The following ZNF362 variants were observed in gnomAD, a reference collection of about 807,000 sequenced individuals.
ZNF362 encodes the protein zinc finger protein 362.
ZNF362 carries 11 observed loss-of-function variants against 42.9 expected under a neutral mutation model. That is an observed-to-expected ratio of 0.26 (90% confidence interval 0.16 to 0.42). The LOEUF (loss-of-function observed/expected upper bound fraction) is 0.42, where lower values mean the gene tolerates loss of function less well. ZNF362 is among the 20% of genes least tolerant of loss of function. The pLI, the probability that ZNF362 is intolerant of heterozygous loss-of-function variation, is 1.00. For missense variants in ZNF362, 362 were observed against 576.2 expected (o/e 0.63, Z 3.81); for synonymous variants, 255 against 257.3 (o/e 0.99, Z 0.09).
upstream of ZNF362, among the ~76,000 whole-genome samples, chr1:33,255,521 G>A (rs892056644): frequency 9.2e-5 from 14 of 151,932 alleles, no homozygotes; most frequent in Non-Finnish European, 1.8e-4. Context: ...TTTGGAAGCT[G>A]ACACAGCTCG....
At chr1:33,237,746 C>G in the ZNF362 span, among the ~76,000 whole-genome samples, 1 of 152,138 alleles carries the variant, frequency 6.6e-6, no homozygotes, top group African/African-American at 2.4e-5. Context: ...CCTCTTGTAG[C>G]CAGGTGGAGC....
intron 1 of ZNF362, among the ~76,000 whole-genome samples, chr1:33,263,804 G>GA (rs1244332038): frequency 2.6e-5 from 4 of 152,222 alleles, no homozygotes; most frequent in Admixed American, 2.6e-4. Context: ...CCGGAGGTGA[G>GA]AAATTCAGGG....
At chr1:33,221,154 C>T in the ZNF362 span, among the ~76,000 whole-genome samples, 2 of 152,196 alleles carry the variant, frequency 1.3e-5, no homozygotes. Context: ...CTCTCCTAAC[C>T]CTGGGATTGG....
chr1:33,144,633 A>G, the ZNF362 span, among the ~76,000 whole-genome samples: 2 of 152,204 alleles, frequency 1.3e-5, no homozygotes, highest in Non-Finnish European at 2.9e-5. Context: ...AATTCTTTAA[A>G]AGCTTGATAT....
chr1:33,130,159 G>A, the ZNF362 span, among the ~76,000 whole-genome samples: 32 of 152,270 alleles, frequency 2.1e-4, no homozygotes, highest in African/African-American at 7.2e-4. Flanking sequence ...GCACCTGGCC[G>A]TAGCTTTGCA....
chr1:33,248,922 A>C, the ZNF362 span, among the ~76,000 whole-genome samples: 2 of 152,212 alleles, frequency 1.3e-5, no homozygotes, highest in Non-Finnish European at 2.9e-5. Context: ...TAATGCTCAA[A>C]TATTTCAACC....
At chr1:33,253,037 T>C (rs912758347), upstream of ZNF362, among the ~76,000 whole-genome samples, 8 of 151,696 alleles carry the variant, frequency 5.3e-5, no homozygotes, top group African/African-American at 1.9e-4. Flanking sequence ...AAGTGCCCTT[T>C]CTATGTGAAG....
the ZNF362 span, among the ~76,000 whole-genome samples, chr1:33,130,152 C>G: frequency 6.6e-6 from 1 of 152,188 alleles, no homozygotes; most frequent in Non-Finnish European, 1.5e-5. Context: ...AACCACTGCA[C>G]CTGGCCGTAG....
chr1:33,196,817 A>C, the ZNF362 span, among the ~76,000 whole-genome samples: 1 of 152,204 alleles, frequency 6.6e-6, no homozygotes, highest in African/African-American at 2.4e-5. Context: ...TGTGAGTAAT[A>C]TATTGCACTA....
the ZNF362 span, among the ~76,000 whole-genome samples, chr1:33,221,622 C>T: frequency 1.3e-5 from 2 of 152,174 alleles, no homozygotes; most frequent in African/African-American, 4.8e-5. Flanking sequence ...GAAAATAAGT[C>T]TCAGAGAGGT....
the ZNF362 span, among the ~76,000 whole-genome samples, chr1:33,168,926 C>T: frequency 6.6e-6 from 1 of 152,234 alleles, no homozygotes; most frequent in Non-Finnish European, 1.5e-5. Flanking sequence ...GCCTTCCTCA[C>T]ATTGCTCAGG....
Position 33,281,643 on chromosome 1 carries a change from A to G in ZNF362, c.740A>G (p.Lys247Arg). Residue 247 changes from lysine to arginine, a missense_variant, in exon 6 of 9, where the codon AAG becomes AGG. Around this residue, in one of 3 missense-constraint regions of ZNF362, gnomAD observed 266 missense variants for 365.4 expected, o/e 0.73. Coordinates refer to ENST00000539719, the MANE Select transcript of ZNF362 (RefSeq NM_152493.3). The surrounding 1 kb of genome is among the most constrained non-coding windows in gnomAD (Gnocchi z 4.8). ...AAGTCAGAGATGCAGATCCACTCCA[A>G]GTCGCACACAGAGGCCAAGCCCCAC... The part of the protein sequence containing the change: ...FTKSEMQIHS[K>R]SHTEAKPHKC... The G allele has an allele frequency of 6.2e-7, 1 of 1,614,212 alleles. No individual in the cohort carries two copies. Among genetic ancestry groups the G allele is most frequent in the Non-Finnish European group, 8.5e-7 (1 of 1,180,024 alleles).
At chr1:33,215,589 C>T in the ZNF362 span, among the ~76,000 whole-genome samples, 108,195 of 152,008 alleles carry the variant, frequency 0.71, 38,970 homozygotes, top group Non-Finnish European at 0.77. Flanking sequence ...GTGATTATTA[C>T]ACATTGAGTG....
At chr1:33,154,259 A>G in the ZNF362 span, among the ~76,000 whole-genome samples, 150,729 of 152,240 alleles carry the variant, frequency 0.99, 74,635 homozygotes, top group Middle Eastern at 1. Flanking sequence ...AAGTGCATCC[A>G]AGGCTCCGAT....
chr1:33,212,246 C>G, the ZNF362 span, among the ~76,000 whole-genome samples: 1 of 152,142 alleles, frequency 6.6e-6, no homozygotes, highest in Non-Finnish European at 1.5e-5. Flanking sequence ...GCCAAGCTTC[C>G]TATACAGCTT....
rs1355273689 is a variant in ZNF362, at chr1:33,270,274, G to A, written c.-88-213G>A. Reference sequence around the variant, plus strand: ...CAGTTGGCCCTGTAGTGCTGGGCCAGTGCTGGGCATCCTAACTCCATCACT... The same window carrying A: ...CAGTTGGCCCTGTAGTGCTGGGCCAATGCTGGGCATCCTAACTCCATCACT... On this transcript the variant is annotated intron_variant, in intron 1 of 8. Transcript: ENST00000539719. Among the ~76,000 whole-genome samples the A allele has an allele frequency of 2.6e-5, 4 of 152,152 alleles. No individual in the cohort carries two copies. In the East Asian group the frequency reaches 7.7e-4, roughly 29 times the overall value.
chr1:33,158,419 C>G, the ZNF362 span: 2 of 1,550,648 alleles, frequency 1.3e-6, no homozygotes, highest in Non-Finnish European at 1.8e-6. Context: ...ATTCCTGCCC[C>G]AATGCCAGGG....
At position 33,270,562 on chromosome 1, in the gene ZNF362, T is replaced by C. The variant is rs1362439967; in HGVS notation, c.-13T>C. On this transcript the variant is annotated 5_prime_UTR_variant, in exon 2 of 9. Coordinates refer to ENST00000539719, the MANE Select transcript of ZNF362 (RefSeq NM_152493.3). ...TCCGTAGAAGAGGGAACACTTGAGC[T>C]GGGTCTTGAAGGATGAGTAGAAGTT... is the stretch of plus-strand genomic sequence containing the variant. The C allele has an allele frequency of 1.3e-6, 2 of 1,565,620 alleles. No individual in the cohort carries two copies. The highest frequency in any genetic ancestry group is 1.7e-5 in the Admixed American group (1 of 59,706).
intron 8 of ZNF362, among the ~76,000 whole-genome samples, chr1:33,298,014 C>T (rs1413677293): frequency 2.6e-5 from 4 of 152,202 alleles, no homozygotes; most frequent in South Asian, 2.1e-4. Flanking sequence ...TGAGGGCTTC[C>T]TCTGCTGGGT....
Sources: gnomAD v4.1 joint callset for allele counts (sites outside exome capture counted in the v4.1 genomes callset) on GRCh38, gnomAD v4.1.1 for gene constraint, gnomAD v4.1.1 regional missense constraint, Gnocchi (gnomAD v3.1) non-coding constraint, MANE v1.5 for transcripts, NCBI Gene and HGNC (gene_info 2026-07-23, HGNC 2026-07-21) for gene names.